Variants in CAMTA1 observed in about 807,000 individuals in gnomAD.
CAMTA1 encodes calmodulin-binding transcription activator 1.
A neutral mutation model predicts 170.9 loss-of-function variants in CAMTA1; 27 were observed. That is an observed-to-expected ratio of 0.16 (90% CI 0.12 to 0.22). The LOEUF (loss-of-function observed/expected upper bound fraction) is 0.22. CAMTA1 is among the 10% of genes least tolerant of loss of function. The probability of loss-of-function intolerance (pLI) is 1.00; values close to 1 mark genes in which losing one functional copy is unlikely to be tolerated. For missense variants in CAMTA1, 1,619 were observed against 2,217.2 expected (o/e 0.73, Z 5.42); for synonymous variants, 833 against 891.5 (o/e 0.93, Z 1.17).
intron 21 of CAMTA1, among the ~76,000 whole-genome samples, chr1:7,755,326 CAAAAAAAAAAAAAAAA>C (rs70987373): frequency 3.2e-5 from 2 of 61,970 alleles, no homozygotes; most frequent in Non-Finnish European, 5.6e-5. Context: ...GACTCCGTCT[CAAAAAAAAAAAAAAAA>C]AAAAAAAAAA....
intron 22 of CAMTA1, among the ~76,000 whole-genome samples, chr1:7,758,423 G>T (rs2096947811): frequency 6.6e-6 from 1 of 152,160 alleles, no homozygotes; most frequent in African/African-American, 2.4e-5. Context: ...GGCTGAGAAG[G>T]TTCCTTCTAT....
intron 3 of CAMTA1, among the ~76,000 whole-genome samples, chr1:6,901,887 A>C (rs78689237): frequency 0.079 from 12,064 of 152,082 alleles, 714 homozygotes; most frequent in East Asian, 0.25. Flanking sequence ...CTCTACTAAA[A>C]GTACAAAAAT....
chr1:7,440,213 T>C (rs1226113948), intron 5 of CAMTA1, among the ~76,000 whole-genome samples: 2 of 152,268 alleles, frequency 1.3e-5, no homozygotes, highest in Non-Finnish European at 2.9e-5. Context: ...GTGTCCACTT[T>C]GTCCACTTCA....
At chr1:6,911,364 G>C (rs964394827) in intron 3 of CAMTA1, among the ~76,000 whole-genome samples, 1 of 152,208 alleles carries the variant, frequency 6.6e-6, no homozygotes, top group African/African-American at 2.4e-5. Context: ...ACCTTGTGGG[G>C]GATGAGGAGA....
chr1:6,928,711 G>A (rs1039200664), intron 3 of CAMTA1, among the ~76,000 whole-genome samples: 1 of 152,070 alleles, frequency 6.6e-6, no homozygotes, highest in Admixed American at 6.5e-5. Flanking sequence ...CCTACCTGGG[G>A]TTCCATTATC....
chr1:7,472,149 C>A (rs1575501555), intron 6 of CAMTA1, among the ~76,000 whole-genome samples: 1 of 152,192 alleles, frequency 6.6e-6, no homozygotes, highest in East Asian at 1.9e-4. Flanking sequence ...CTTCCTGGCC[C>A]ACGCTGGCAG....
chr1:7,031,429 G>GC (rs1348956313), intron 3 of CAMTA1, among the ~76,000 whole-genome samples: 1 of 152,070 alleles, frequency 6.6e-6, no homozygotes, highest in African/African-American at 2.4e-5. Context: ...TGTTGCAATG[G>GC]TATATCTTCT....
chr1:6,798,967 G>A (rs1292526229), intron 1 of CAMTA1, among the ~76,000 whole-genome samples: 4 of 152,094 alleles, frequency 2.6e-5, no homozygotes, highest in Non-Finnish European at 5.9e-5. Flanking sequence ...AGCTGTGAAG[G>A]CTTTGCACTT....
At position 6,965,163 on chromosome 1, in the gene CAMTA1, C is replaced by G. The variant is rs919278116; in HGVS notation, c.235-126141C>G. 1.3e-5 allele frequency among the ~76,000 whole-genome samples: 2 copies of G among 152,048 alleles called. 1 individual carries two copies. Among genetic ancestry groups the G allele is most frequent in the South Asian group, 4.2e-4 (2 of 4,814 alleles). ...ATGTATTAATATGTGAAAGCCACTT[C>G]GGGAAAAGTAGTGAGTGTGGTATGA... On this transcript the variant is annotated intron_variant, in intron 3 of 22. Coordinates refer to ENST00000303635, the MANE Select transcript of CAMTA1 (RefSeq NM_015215.4). The surrounding 1 kb of genome is among the most constrained non-coding windows in gnomAD (Gnocchi z 4.1).
chr1:7,357,427 G>A lies in CAMTA1; in HGVS notation c.438+107801G>A, dbSNP rs567667448. On this transcript the variant is annotated intron_variant, in intron 5 of 22. Transcript: ENST00000303635. ...AGTTGCCCCCTTGCCGGGCTCTCAA[G>A]TCCTGGCACTGCCCCACCTGGCTGC... Among the ~76,000 whole-genome samples the A allele has an allele frequency of 2.0e-5, 3 of 152,324 alleles. No homozygotes were observed. In the South Asian group the frequency reaches 6.2e-4, roughly 32 times the overall value.
chr1:7,038,026 G>A (rs1388151115), intron 3 of CAMTA1, among the ~76,000 whole-genome samples: 3 of 151,360 alleles, frequency 2.0e-5, no homozygotes, highest in African/African-American at 7.3e-5. Flanking sequence ...TTAACCTCTC[G>A]AGGCCTCAGT....
At chr1:7,235,446 G>A (rs187231686) in intron 4 of CAMTA1, among the ~76,000 whole-genome samples, 28 of 152,214 alleles carry the variant, frequency 1.8e-4, no homozygotes, top group Non-Finnish European at 3.1e-4. Context: ...CCAACATGGC[G>A]AAACCCCTGT....
intron 6 of CAMTA1, among the ~76,000 whole-genome samples, chr1:7,599,017 G>A (rs1003206834): frequency 6.6e-6 from 1 of 152,140 alleles, no homozygotes; most frequent in African/African-American, 2.4e-5. Flanking sequence ...CCTTGCCCAT[G>A]CCTATGTCCT....
chr1:7,345,627 A>G (rs534070157), intron 5 of CAMTA1, among the ~76,000 whole-genome samples: 140 of 152,184 alleles, frequency 9.2e-4, no homozygotes, highest in Admixed American at 2.5e-3. Context: ...CAGTCCTGGG[A>G]ATAACAGGCT....
chr1:6,997,348 G>A (rs1447765553), intron 3 of CAMTA1, among the ~76,000 whole-genome samples: 1 of 152,034 alleles, frequency 6.6e-6, no homozygotes, highest in African/African-American at 2.4e-5. Context: ...ATTTCTTTTT[G>A]CAGCCCTGTC....
At chr1:7,655,106 A>G (rs1438470091) in intron 7 of CAMTA1, among the ~76,000 whole-genome samples, 1 of 103,612 alleles carries the variant, frequency 9.7e-6, no homozygotes. Context: ...ACACACCTAT[A>G]CACACACCTA....
At chr1:7,447,101 A>G (rs1343669624) in intron 5 of CAMTA1, among the ~76,000 whole-genome samples, 1 of 152,110 alleles carries the variant, frequency 6.6e-6, no homozygotes, top group Non-Finnish European at 1.5e-5. Flanking sequence ...AGTAGATGCC[A>G]GTGTGCCCCA....
chr1:7,755,628 C>T lies in CAMTA1; in HGVS notation c.4959-10C>T. On this transcript the variant is annotated splice_polypyrimidine_tract_variant and intron_variant, in intron 21 of 22. Transcript: ENST00000303635. ...CTAATAGCTCTCTGGTGTTGTTTTACTGTCTAAAGCCCCCTGGTGGACCAT... is the reference window on the plus strand; with the variant it reads ...CTAATAGCTCTCTGGTGTTGTTTTATTGTCTAAAGCCCCCTGGTGGACCAT... 1 of 1,612,010 alleles carries T rather than the reference C, an allele frequency of 6.2e-7. No homozygotes were observed. Among genetic ancestry groups the T allele is most frequent in the Non-Finnish European group, 8.5e-7 (1 of 1,178,276 alleles).
chr1:7,270,576 A>G (rs912508770), intron 5 of CAMTA1, among the ~76,000 whole-genome samples: 1 of 152,150 alleles, frequency 6.6e-6, no homozygotes, highest in African/African-American at 2.4e-5. Context: ...GATTATAGGC[A>G]TGAGCCACTG....
Sources: allele counts gnomAD v4.1 joint callset (sites outside exome capture counted in the v4.1 genomes callset), GRCh38; gene constraint gnomAD v4.1.1; non-coding constraint Gnocchi (gnomAD v3.1); transcripts MANE v1.5; gene names NCBI Gene and HGNC (gene_info 2026-07-23, HGNC 2026-07-21).